The following CREB5 variants were observed in gnomAD, a reference collection of about 807,000 sequenced individuals.
CREB5 encodes the protein cAMP responsive element binding protein 5, also known as cyclic AMP-responsive element-binding protein 5.
CREB5 carries 19 observed loss-of-function variants against 57.1 expected under a neutral mutation model. The ratio of observed to expected loss-of-function variants is 0.33; its 90% CI spans 0.23 to 0.49. CREB5 has a LOEUF of 0.49. Ranked by LOEUF, CREB5 falls within the 20% of genes least tolerant of loss-of-function variation. The probability of loss-of-function intolerance (pLI) is 0.99; values close to 1 mark genes in which losing one functional copy is unlikely to be tolerated. For synonymous variants in CREB5, 238 were observed against 238.3 expected (o/e 1.00, Z 0.01); for missense variants, 579 against 671.6 (o/e 0.86, Z 1.52).
chr7:28,662,367 G>GCCCC (rs1562556743), intron 5 of CREB5, among the ~76,000 whole-genome samples: 1 of 152,174 alleles, frequency 6.6e-6, no homozygotes, highest in Admixed American at 6.5e-5. Flanking sequence ...AGGTGGCCTC[G>GCCCC]CCCCAGCTCA....
At position 28,809,368 on chromosome 7, in the gene CREB5, T is replaced by C. The variant is rs1208957664; in HGVS notation, c.1208T>C (p.Leu403Ser). The change falls in exon 9 of 11, where the codon TTG becomes TCG. Residue 403 changes from leucine to serine, a missense_variant. Coordinates refer to ENST00000357727, the MANE Select transcript of CREB5 (RefSeq NM_182898.4). ...RQKRKVWVMSLEKKAEELTQT... is the reference protein window; with the variant it reads ...RQKRKVWVMSSEKKAEELTQT... ...AAGAGGAAGGTCTGGGTGATGTCAT[T>C]GGAAAAGAAAGCAGAAGAACTCACC... The C allele has an allele frequency of 6.2e-7, 1 of 1,613,856 alleles. No individual in the cohort carries two copies. Among genetic ancestry groups the C allele is most frequent in the Non-Finnish European group, 8.5e-7 (1 of 1,180,006 alleles).
rs185303159 is a variant in CREB5, at chr7:28,438,907, G to A, written c.3+25990G>A. Among the ~76,000 whole-genome samples, 150 of 152,260 alleles carry A rather than the reference G, an allele frequency of 9.9e-4. 1 individual carries two copies. The highest frequency in any genetic ancestry group is 6.9e-3 in the Admixed American group (105 of 15,290). On this transcript the variant is annotated intron_variant, in intron 1 of 10. Coordinates refer to ENST00000357727, the MANE Select transcript of CREB5 (RefSeq NM_182898.4). ...TTTGAAATACAGGTCCAACATTTTTGTGGGAAAGGAGCAAACAGAGATACT... is the reference window on the plus strand; with the variant it reads ...TTTGAAATACAGGTCCAACATTTTTATGGGAAAGGAGCAAACAGAGATACT...
chr7:28,469,929 T>C (rs1790739920), intron 1 of CREB5, among the ~76,000 whole-genome samples: 1 of 152,200 alleles, frequency 6.6e-6, no homozygotes, highest in Non-Finnish European at 1.5e-5. Flanking sequence ...TTATTAAATT[T>C]AAAATTTTTG....
Position 28,689,384 on chromosome 7 carries a change from T to A in CREB5, c.465-29369T>A, listed in dbSNP as rs542723477. Among the ~76,000 whole-genome samples the A allele has an allele frequency of 2.6e-5, 4 of 152,144 alleles. No individual in the cohort carries two copies. The South Asian group carries it at 6.2e-4, about 24-fold the overall frequency. On this transcript the variant is annotated intron_variant, in intron 5 of 10. Transcript: ENST00000357727. ...TCAGGAGGCTGAGGCAGGAGAATGG[T>A]GTGAACCTGGGAGGCGGAGCTTGCA...
chr7:28,335,377 A>G (rs1562662378), intron 1 of CREB5, among the ~76,000 whole-genome samples: 1 of 151,772 alleles, frequency 6.6e-6, no homozygotes. Context: ...TCTTTTATCA[A>G]TCTTTTATAG....
At chr7:28,506,884 G>A (rs983709276) in intron 3 of CREB5, among the ~76,000 whole-genome samples, 1 of 152,140 alleles carries the variant, frequency 6.6e-6, no homozygotes, top group Non-Finnish European at 1.5e-5. Context: ...AGTGGCTTCA[G>A]CTCCATCAGT....
intron 4 of CREB5, among the ~76,000 whole-genome samples, chr7:28,523,999 C>T (rs1254754540): frequency 6.6e-6 from 1 of 152,174 alleles, no homozygotes; most frequent in Non-Finnish European, 1.5e-5. Flanking sequence ...CATTGCCTTA[C>T]ACGTGGAAGG....
intron 7 of CREB5, among the ~76,000 whole-genome samples, chr7:28,784,189 C>G (rs1171171587): frequency 1.3e-5 from 2 of 152,226 alleles, no homozygotes; most frequent in Non-Finnish European, 2.9e-5. Flanking sequence ...GCTCGTGGGA[C>G]ACTTCAAGTC....
Position 28,610,016 on chromosome 7 carries a change from C to T in CREB5, c.464+39479C>T, listed in dbSNP as rs957981854. ...ATGGTTCTCAACCAAGAATTGGAAG[C>T]CTTCCAGGGCCTCTTAAGGCAGACT... On this transcript the variant is annotated intron_variant, in intron 5 of 10. Coordinates refer to ENST00000357727, the MANE Select transcript of CREB5 (RefSeq NM_182898.4). Among the ~76,000 whole-genome samples the T allele has an allele frequency of 2.0e-4, 30 of 152,190 alleles. 1 individual carries two copies. Among genetic ancestry groups the T allele is most frequent in the Admixed American group, 7.2e-4 (11 of 15,272 alleles).
chr7:28,712,524 T>TTTATTATTATTATTATTATTA (rs752228734), intron 5 of CREB5, among the ~76,000 whole-genome samples: 1,658 of 135,304 alleles, frequency 0.012, 39 homozygotes, highest in African/African-American at 0.038. Flanking sequence ...AAAAAGAGAA[T>TTTATTATTATTATTATTATTA]TTATTATTAT....
At chr7:28,593,460 G>A (rs1449160214) in intron 5 of CREB5, among the ~76,000 whole-genome samples, 1 of 152,100 alleles carries the variant, frequency 6.6e-6, no homozygotes, top group Non-Finnish European at 1.5e-5. Context: ...TGTTAGCGAG[G>A]CTGGCCTCTA....
At chr7:28,741,640 C>T (rs1804354396) in intron 7 of CREB5, among the ~76,000 whole-genome samples, 1 of 152,164 alleles carries the variant, frequency 6.6e-6, no homozygotes, top group South Asian at 2.1e-4. Flanking sequence ...CTGTTCTGCA[C>T]CATTACTGGA....
intron 5 of CREB5, among the ~76,000 whole-genome samples, chr7:28,671,519 C>G (rs1302569091): frequency 1.3e-5 from 2 of 152,134 alleles, no homozygotes; most frequent in Non-Finnish European, 2.9e-5. Flanking sequence ...AGACTTTGGC[C>G]TTTTTCCCTG....
intron 1 of CREB5, among the ~76,000 whole-genome samples, chr7:28,400,480 C>G (rs960157901): frequency 6.6e-6 from 1 of 152,152 alleles, no homozygotes; most frequent in Non-Finnish European, 1.5e-5. Context: ...TGCTAAACAG[C>G]ACAATGTCCC....
chr7:28,776,428 A>G (rs1806647886), intron 7 of CREB5, among the ~76,000 whole-genome samples: 1 of 151,702 alleles, frequency 6.6e-6, no homozygotes, highest in Non-Finnish European at 1.5e-5. Flanking sequence ...GAATTTTTTT[A>G]GTTCAGAATT....
intron 4 of CREB5, among the ~76,000 whole-genome samples, chr7:28,551,791 T>C (rs1435498693): frequency 6.6e-6 from 1 of 152,076 alleles, no homozygotes; most frequent in Non-Finnish European, 1.5e-5. Context: ...GACCTTTGGG[T>C]CTGCAGGGTC....
intron 1 of CREB5, among the ~76,000 whole-genome samples, chr7:28,332,475 G>A (rs980360167): frequency 5.3e-5 from 8 of 152,106 alleles, no homozygotes; most frequent in African/African-American, 1.7e-4. Flanking sequence ...CTCAGGTTAC[G>A]TTTGCGTGGT....
chr7:28,543,770 T>G (rs369037515), intron 4 of CREB5, among the ~76,000 whole-genome samples: 1 of 151,826 alleles, frequency 6.6e-6, no homozygotes, highest in East Asian at 1.9e-4. Flanking sequence ...TCTGCAAATG[T>G]TATCACAGTG....
At chr7:28,493,965 G>A (rs1032977826) in intron 2 of CREB5, among the ~76,000 whole-genome samples, 3 of 152,206 alleles carry the variant, frequency 2.0e-5, no homozygotes, top group African/African-American at 7.2e-5. Flanking sequence ...AGTTACATTT[G>A]TAGATACATA....
Sources: allele counts gnomAD v4.1 joint callset (sites outside exome capture counted in the v4.1 genomes callset), GRCh38; gene constraint gnomAD v4.1.1; transcripts MANE v1.5; gene names NCBI Gene and HGNC (gene_info 2026-07-23, HGNC 2026-07-21).